The following ZCWPW2 variants were observed in gnomAD, a reference collection of about 807,000 sequenced individuals.
The protein encoded by ZCWPW2 is zinc finger CW-type and PWWP domain containing 2.
ZCWPW2 carries 45 observed loss-of-function variants against 46.6 expected under a neutral mutation model. The ratio of observed to expected loss-of-function variants is 0.96; its 90% CI spans 0.76 to 1.24. The LOEUF is 1.24. ZCWPW2 is among the 50% of genes most tolerant of loss of function. The probability of loss-of-function intolerance (pLI) is 0.00; values close to 1 mark genes in which losing one functional copy is unlikely to be tolerated. For missense variants in ZCWPW2, 429 were observed against 403.9 expected, an observed-to-expected ratio of 1.06 and a Z score of -0.53; for synonymous variants, 152 against 137.1, an observed-to-expected ratio of 1.11 and a Z score of -0.76.
intron 5 of ZCWPW2, among the ~76,000 whole-genome samples, chr3:28,485,292 G>A (rs1454204484): frequency 6.6e-6 from 1 of 152,048 alleles, no homozygotes; most frequent in Non-Finnish European, 1.5e-5. Context: ...TCTTTTAAAT[G>A]TGTTAAGGTA....
chr3:28,373,699 C>A (rs1026409253), intron 1 of ZCWPW2, among the ~76,000 whole-genome samples: 1 of 152,098 alleles, frequency 6.6e-6, no homozygotes, highest in African/African-American at 2.4e-5. Flanking sequence ...TGGTCTTGAA[C>A]TCCTGACCTC....
At chr3:28,465,547 T>A (rs1417801632) in intron 4 of ZCWPW2, among the ~76,000 whole-genome samples, 1 of 152,180 alleles carries the variant, frequency 6.6e-6, no homozygotes, top group African/African-American at 2.4e-5. Context: ...TTTATTTTAA[T>A]TAGAGAAAAA....
chr3:28,518,615 G>A (rs1700641979), intron 8 of ZCWPW2, among the ~76,000 whole-genome samples: 1 of 152,162 alleles, frequency 6.6e-6, no homozygotes, highest in African/African-American at 2.4e-5. Context: ...TATTTCTTCA[G>A]ATCACTTGAA....
chr3:28,465,012 TA>T lies in ZCWPW2; in HGVS notation c.493-13800del, dbSNP rs540009844. Among the ~76,000 whole-genome samples, 386 of 152,370 alleles carry T rather than the reference TA, an allele frequency of 2.5e-3. 1 individual carries two copies. The highest frequency in any genetic ancestry group is 8.4e-3 in the African/African-American group (351 of 41,596). On this transcript the variant is annotated intron_variant, in intron 4 of 9. Coordinates refer to ENST00000383768, the MANE Select transcript of ZCWPW2 (RefSeq NM_001040432.4). ...AATAATTATTTGTTAAATATGAACT[TA>T]ATTATCTATTTGATTGCTGGTTAGA...
chr3:28,524,862 A>G lies in ZCWPW2; in HGVS notation c.*174A>G. 2.2e-6 allele frequency: 1 copy of G among 464,638 alleles called. No homozygotes were observed. Among genetic ancestry groups the G allele is most frequent in the Non-Finnish European group, 3.4e-6 (1 of 297,800 alleles). The allele number at this position is 464,638 out of a possible 1,614,324, so 28.8% of individuals were successfully genotyped here. ...GGCCATGATTTTTAGAGCCAGTCAA[A>G]TGGTATTTAAGTTAGTGTTAAAAAT... is the stretch of plus-strand genomic sequence containing the variant. On this transcript the variant is annotated 3_prime_UTR_variant, in exon 10 of 10. Coordinates refer to ENST00000383768, the MANE Select transcript of ZCWPW2 (RefSeq NM_001040432.4).
chr3:28,382,055 G>A (rs568443068), intron 1 of ZCWPW2, among the ~76,000 whole-genome samples: 3 of 151,726 alleles, frequency 2.0e-5, no homozygotes, highest in East Asian at 3.9e-4. Flanking sequence ...CCATCTACTC[G>A]GGAGGCTGAG....
chr3:28,461,761 T>A (rs143112250), intron 4 of ZCWPW2: 1 of 152,140 alleles, frequency 6.6e-6, no homozygotes, highest in Non-Finnish European at 1.5e-5. Flanking sequence ...GAATAAGACA[T>A]GTAATAAATA....
chr3:28,413,811 A>T (rs746143359), intron 3 of ZCWPW2, among the ~76,000 whole-genome samples: 1 of 152,112 alleles, frequency 6.6e-6, no homozygotes, highest in African/African-American at 2.4e-5. Context: ...ATTCTAATTT[A>T]AATCTGTTGT....
chr3:28,373,125 G>C (rs1203099266), intron 1 of ZCWPW2, among the ~76,000 whole-genome samples: 1 of 152,182 alleles, frequency 6.6e-6, no homozygotes, highest in Non-Finnish European at 1.5e-5. Context: ...AAACAGGAGA[G>C]TGAAGCTATC....
chr3:28,450,588 G>A (rs1463199381), intron 4 of ZCWPW2, among the ~76,000 whole-genome samples: 7 of 152,144 alleles, frequency 4.6e-5, no homozygotes, highest in Non-Finnish European at 1.0e-4. Flanking sequence ...ATGTTGCCAA[G>A]AAAAAGTAGA....
At chr3:28,507,155 CA>C (rs561742267) in intron 6 of ZCWPW2, among the ~76,000 whole-genome samples, 340 of 152,230 alleles carry the variant, frequency 2.2e-3, no homozygotes, top group African/African-American at 7.7e-3. Flanking sequence ...CACATTTTAT[CA>C]AAGGCTCATA....
chr3:28,389,104 C>T (rs949430102), intron 1 of ZCWPW2, among the ~76,000 whole-genome samples: 1 of 152,072 alleles, frequency 6.6e-6, no homozygotes, highest in East Asian at 1.9e-4. Context: ...AGCATTTTTC[C>T]CTCTGGAACT....
chr3:28,521,014 A>T lies in ZCWPW2; in HGVS notation c.807A>T (p.Leu269Phe), dbSNP rs1486708740. 21 of 1,613,442 alleles carry T rather than the reference A, an allele frequency of 1.3e-5. No individual in the cohort carries two copies. Among genetic ancestry groups the T allele is most frequent in the Non-Finnish European group, 1.8e-5 (21 of 1,179,786 alleles). ...ENRVVCETEV[L>F]LKELEQMLQQ... ...TAGTTGTCTGTGAGACGGAAGTTTT[A>T]CTAAAAGAGCTGGAGCAAATGCTGC... Residue 269 changes from leucine (L) to phenylalanine (F), a missense_variant, in exon 9 of 10, where the codon TTA (leucine) becomes TTT (phenylalanine). By Grantham distance (22) the Leu-to-Phe change is conservative (BLOSUM62 0). Coordinates refer to ENST00000383768, the MANE Select transcript of ZCWPW2 (RefSeq NM_001040432.4).
chr3:28,498,684 T>C (rs1700061353), intron 6 of ZCWPW2, among the ~76,000 whole-genome samples: 1 of 151,880 alleles, frequency 6.6e-6, no homozygotes, highest in Non-Finnish European at 1.5e-5. Flanking sequence ...AGTTCTATGA[T>C]ACATGTGCAG....
intron 1 of ZCWPW2, among the ~76,000 whole-genome samples, chr3:28,367,408 T>G (rs1705159759): frequency 6.6e-6 from 1 of 152,234 alleles, no homozygotes; most frequent in South Asian, 2.1e-4. Context: ...ATGTACCCAG[T>G]AGTCATTCAG....
At chr3:28,450,103 T>C (rs1420640578) in intron 4 of ZCWPW2, among the ~76,000 whole-genome samples, 1 of 152,190 alleles carries the variant, frequency 6.6e-6, no homozygotes, top group Non-Finnish European at 1.5e-5. Flanking sequence ...TTAAGTTCCT[T>C]AAGCATTTGA....
At chr3:28,407,480 G>A (rs1696212129) in intron 2 of ZCWPW2, among the ~76,000 whole-genome samples, 1 of 152,120 alleles carries the variant, frequency 6.6e-6, no homozygotes, top group Non-Finnish European at 1.5e-5. Context: ...AGTATCTATA[G>A]TGTGCAAAAT....
intron 4 of ZCWPW2, chr3:28,447,901 A>AG: frequency 1.2e-6 from 1 of 848,482 alleles, no homozygotes; most frequent in Non-Finnish European, 2.0e-6. Context: ...TCGTGCTGTG[A>AG]GGCCTAAAGT....
intron 3 of ZCWPW2, among the ~76,000 whole-genome samples, chr3:28,429,755 C>G (rs993000184): frequency 6.6e-6 from 1 of 152,100 alleles, no homozygotes; most frequent in African/African-American, 2.4e-5. Context: ...GACTTGGTGC[C>G]CTGTGTCCCA....
Sources: gnomAD v4.1 joint callset for allele counts (sites outside exome capture counted in the v4.1 genomes callset) on GRCh38, gnomAD v4.1.1 for gene constraint, MANE v1.5 for transcripts, NCBI Gene and HGNC (gene_info 2026-07-23, HGNC 2026-07-21) for gene names.